The following DHCR7 variants were observed in gnomAD, a reference collection of about 807,000 sequenced individuals.
The protein encoded by DHCR7 is 7-DHC reductase.
DHCR7 carries 40 observed loss-of-function variants against 43.3 expected under a neutral mutation model. That is an observed-to-expected ratio of 0.92 (90% CI 0.72 to 1.20). The LOEUF is 1.20. DHCR7 is among the 50% of genes most tolerant of loss of function. The pLI is 0.00. For synonymous variants in DHCR7, 298 were observed against 271.4 expected (o/e 1.10, Z -0.96); for missense variants, 608 against 644.6 (o/e 0.94, Z 0.62).
chr11:71,435,863 C>A lies in DHCR7; in HGVS notation c.964-24G>T, dbSNP rs1481415440. 4 of 1,581,464 alleles carry A rather than the reference C, an allele frequency of 2.5e-6. No homozygotes were observed. In the South Asian group the frequency reaches 4.5e-5, roughly 18 times the overall value. The stretch of plus-strand genomic sequence containing the variant: ...CCCTGGGGGGCGAGGGGGAAGGGGT[C>A]AAGCGGTGCTTTGCCCAGGGAGAGG... On this transcript the variant is annotated intron_variant, in intron 8 of 8. Coordinates refer to ENST00000355527, the MANE Select transcript of DHCR7 (RefSeq NM_001360.3).
chr11:71,435,783 G>A lies in DHCR7; in HGVS notation c.1020C>T (p.Val340=), dbSNP rs763165078. 1.9e-6 allele frequency: 3 copies of A among 1,608,890 alleles called. No individual in the cohort carries two copies. Among genetic ancestry groups the A allele is most frequent in the Admixed American group, 1.7e-5 (1 of 59,964 alleles). The change falls in exon 9 of 9, where the codon GTC becomes GTT. Residue 340 remains valine, a synonymous_variant. Coordinates refer to ENST00000355527, the MANE Select transcript of DHCR7 (RefSeq NM_001360.3). ...AGTAGCCCACCAGGCCCAGCAGCAGGACGCCCACGGCGTGCGGGGTGGACA... is the reference window on the plus strand; with the variant it reads ...AGTAGCCCACCAGGCCCAGCAGCAGAACGCCCACGGCGTGCGGGGTGGACA... ...VQLSTPHAVG[V]LLLGLVGYYI... is the part of the protein sequence containing the mutation.
At chr11:71,441,701 G>T (rs962503910) in intron 5 of DHCR7, among the ~76,000 whole-genome samples, 2 of 152,194 alleles carry the variant, frequency 1.3e-5, no homozygotes, top group Non-Finnish European at 2.9e-5. Flanking sequence ...TGAGTGACAG[G>T]TGTGCAGTCT....
Position 71,442,307 on chromosome 11 carries a change from G to A in DHCR7, c.368C>T (p.Pro123Leu), listed in dbSNP as rs1205519483. The change falls in exon 5 of 9, where the codon CCC (proline) becomes CTC (leucine). Residue 123 changes from proline (P) to leucine (L), a missense_variant. By Grantham distance (98) the Pro-to-Leu change is moderately conservative (BLOSUM62 -3). Coordinates refer to ENST00000355527, the MANE Select transcript of DHCR7 (RefSeq NM_001360.3). ...CTCCTGGATGCCTCCTACGTAGCCG[G>A]GTAGAAACTTATGGCAGAAGTCAGG... ...SLPDFCHKFLPGYVGGIQEGA... is the reference protein window; with the variant it reads ...SLPDFCHKFLLGYVGGIQEGA... 2.5e-6 allele frequency: 4 copies of A among 1,613,776 alleles called. No homozygotes were observed. Among genetic ancestry groups the A allele is most frequent in the South Asian group, 1.1e-5 (1 of 91,000 alleles).
rs148292631 is a variant in DHCR7 at position 71,446,198 on chromosome 11, G to A, written c.-6-1240C>T. Among the ~76,000 whole-genome samples the A allele has an allele frequency of 2.9e-5, 4 of 137,350 alleles. No homozygotes were observed. The East Asian group carries it at 6.8e-4, about 23-fold the overall frequency. 90.1% of individuals were successfully genotyped at this position (137,350 alleles called of 152,430 possible). A position where few individuals can be genotyped will look rare whatever the true frequency, so the allele number is the denominator to read the frequency against. On this transcript the variant is annotated intron_variant, in intron 2 of 8. Transcript: ENST00000355527. ...GTGTAGGAAAATTATTGATATATGT[G>A]ACAGCTCGGTTAGAGCATCCAGAAA...
chr11:71,438,673 C>T, intron 7 of DHCR7: 1 of 634,734 alleles, frequency 1.6e-6, no homozygotes, highest in African/African-American at 1.8e-5. Context: ...CCTGCCTCCT[C>T]CCCTCCCAGG....
chr11:71,431,998 A>G (rs1949230681), downstream of DHCR7, among the ~76,000 whole-genome samples: 1 of 152,106 alleles, frequency 6.6e-6, no homozygotes, highest in Non-Finnish European at 1.5e-5. Context: ...TAATTTTTTA[A>G]TTGTTTTTAC....
intron 2 of DHCR7, among the ~76,000 whole-genome samples, chr11:71,429,135 G>A (rs1289114373): frequency 2.0e-5 from 3 of 152,214 alleles, no homozygotes; most frequent in Non-Finnish European, 4.4e-5. Context: ...TCCTGGCTGT[G>A]GGGATTTGCA....
chr11:71,444,373 G>T, intron 3 of DHCR7, 158 bp from the exon 4 acceptor site: 1 of 668,840 alleles, frequency 1.5e-6, no homozygotes, highest in Non-Finnish European at 2.7e-6. Context: ...TGCGGCCAGG[G>T]AAGCCACTCA....
chr11:71,444,822 C>A lies in DHCR7; in HGVS notation c.98+33G>T, dbSNP rs1474602094. 13 of 1,592,628 alleles carry A rather than the reference C, an allele frequency of 8.2e-6. No individual in the cohort carries two copies. In the South Asian group the frequency reaches 1.4e-4, roughly 18 times the overall value. ...TGGAAAGCTCTGAGACCACACTTTA[C>A]TTTCTAGCTGGGAGAACAGGCAAGA... On this transcript the variant is annotated intron_variant, in intron 3 of 8. Transcript: ENST00000355527.
At chr11:71,447,026 G>A (rs1265346705) in intron 2 of DHCR7, among the ~76,000 whole-genome samples, 2 of 152,196 alleles carry the variant, frequency 1.3e-5, no homozygotes, top group African/African-American at 2.4e-5. Context: ...TACAAGCTTA[G>A]TTTCTTCCCA....
Position 71,444,233 on chromosome 11 carries a change from G to A in DHCR7, c.99-18C>T, listed in dbSNP as rs1320814833. 3 of 1,560,736 alleles carry A rather than the reference G, an allele frequency of 1.9e-6. No individual in the cohort carries two copies. The highest frequency in any genetic ancestry group is 2.6e-6 in the Non-Finnish European group (3 of 1,150,676). On this transcript the variant is annotated intron_variant, in intron 3 of 8. Transcript: ENST00000355527. ...CCACCTCCCTGCGAGGACGGATGCAGGCAGTCACACTGGGGCCCATCTGCC... is the reference window on the plus strand; with the variant it reads ...CCACCTCCCTGCGAGGACGGATGCAAGCAGTCACACTGGGGCCCATCTGCC...
At chr11:71,444,717 T>G (rs1372324282) in intron 3 of DHCR7, 138 bp downstream of exon 3, 5 of 708,710 alleles carry the variant, frequency 7.1e-6, no homozygotes, top group Admixed American at 2.6e-5. Flanking sequence ...ACTGTTTACC[T>G]TTCATTAGTC....
downstream of DHCR7, among the ~76,000 whole-genome samples, chr11:71,431,601 T>C (rs974954989): frequency 5.9e-5 from 9 of 152,182 alleles, no homozygotes; most frequent in Non-Finnish European, 1.2e-4. Flanking sequence ...TTGGCCTGCT[T>C]AGGGCAGGAA....
In DHCR7 at chr11:71,439,056, G is replaced by A; in HGVS notation, c.654C>T (p.Asn218=). 3 of 1,614,064 alleles carry A rather than the reference G, an allele frequency of 1.9e-6. No individual in the cohort carries two copies. Among genetic ancestry groups the A allele is most frequent in the Non-Finnish European group, 2.5e-6 (3 of 1,180,036 alleles). ...GGTTAAACTCGATGCCCATCATGTA[G>A]TTGTAAAAGAAATTGCCTGTGAATT... is the stretch of plus-strand genomic sequence containing the variant. ...DCKFTGNFFY[N]YMMGIEFNPR... is the part of the protein sequence containing the mutation. Residue 218 remains asparagine, a synonymous_variant, in exon 7 of 9, where the codon AAC becomes AAT. Transcript: ENST00000355527.
chr11:71,446,929 G>T (rs898088124), intron 2 of DHCR7, among the ~76,000 whole-genome samples: 1 of 152,220 alleles, frequency 6.6e-6, no homozygotes, highest in Non-Finnish European at 1.5e-5. Context: ...TGACACGCTA[G>T]TGAGTCTGAT....
At chr11:71,441,157 G>A (rs1360718615) in intron 6 of DHCR7, 70 bp downstream of exon 6, 11 of 1,455,154 alleles carry the variant, frequency 7.6e-6, no homozygotes, top group Middle Eastern at 1.9e-4. Flanking sequence ...ACCTGCCCCA[G>A]GCAGCAAGAA....
intron 7 of DHCR7, among the ~76,000 whole-genome samples, chr11:71,438,270 G>A (rs895579695): frequency 3.9e-5 from 6 of 152,156 alleles, no homozygotes; most frequent in Non-Finnish European, 7.4e-5. Flanking sequence ...CCCGAGCAAC[G>A]TCCACAGCTC....
chr11:71,433,498 T>C (rs865923473), downstream of DHCR7, among the ~76,000 whole-genome samples: 5 of 152,086 alleles, frequency 3.3e-5, no homozygotes, highest in African/African-American at 1.2e-4. Flanking sequence ...CAGAGGCAGG[T>C]CCACATCTGA....
downstream of DHCR7, among the ~76,000 whole-genome samples, chr11:71,427,508 AC>A (rs1384620003): frequency 1.3e-5 from 2 of 152,196 alleles, no homozygotes; most frequent in Non-Finnish European, 2.9e-5. Context: ...GTATCCTGCA[AC>A]CTCACTAAAT....
Sources: gnomAD v4.1 joint callset for allele counts (sites outside exome capture counted in the v4.1 genomes callset) on GRCh38, gnomAD v4.1.1 for gene constraint, MANE v1.5 for transcripts, NCBI Gene and HGNC (gene_info 2026-07-23, HGNC 2026-07-21) for gene names.